TULP4: variants seen among roughly 807,000 people sequenced by gnomAD.
The protein encoded by TULP4 is tubby-related protein 4.
Under a neutral mutation model 129.0 loss-of-function variants are expected in TULP4, and 16 were observed. That is an observed-to-expected ratio of 0.12 (90% CI 0.08 to 0.19). TULP4 has a LOEUF of 0.19. Ranked by LOEUF, TULP4 falls within the 10% of genes least tolerant of loss-of-function variation. The pLI, the probability that TULP4 is intolerant of heterozygous loss-of-function variation, is 1.00. For synonymous variants in TULP4, 998 were observed against 854.0 expected (o/e 1.17, Z -2.94); for missense variants, 1,842 against 2,059.1 (o/e 0.89, Z 2.04).
At chr6:158,284,201 C>G (rs1004211576) in intron 1 of TULP4, among the ~76,000 whole-genome samples, 2 of 152,176 alleles carry the variant, frequency 1.3e-5, no homozygotes, top group Non-Finnish European at 2.9e-5. Flanking sequence ...GCCTGGGACT[C>G]ATTCAGGCCA....
intron 1 of TULP4, among the ~76,000 whole-genome samples, chr6:158,266,122 C>CT: frequency 6.6e-6 from 1 of 152,300 alleles, no homozygotes; most frequent in Non-Finnish European, 1.5e-5. Context: ...CTCATAGGCA[C>CT]TTTTTTCCAA....
chr6:158,480,939 G>A, intron 7 of TULP4, 116 bp from the exon 8 acceptor site: 1 of 889,796 alleles, frequency 1.1e-6, no homozygotes, highest in Non-Finnish European at 1.7e-6. Flanking sequence ...CCCCCAGCCT[G>A]TGCTCTGTCT....
intron 1 of TULP4, among the ~76,000 whole-genome samples, chr6:158,287,252 T>G (rs889227546): frequency 1.3e-5 from 2 of 152,326 alleles, no homozygotes; most frequent in African/African-American, 2.4e-5. Flanking sequence ...GCCAGACATA[T>G]GCATGTGTAG....
At chr6:158,495,823 C>G (rs1313837907) in intron 11 of TULP4, among the ~76,000 whole-genome samples, 1 of 149,948 alleles carries the variant, frequency 6.7e-6, no homozygotes, top group Non-Finnish European at 1.5e-5. Flanking sequence ...CTGGGCAACA[C>G]GAGCGAAACT....
intron 2 of TULP4, among the ~76,000 whole-genome samples, chr6:158,425,109 G>A (rs1425855605): frequency 3.9e-5 from 5 of 128,962 alleles, no homozygotes; most frequent in African/African-American, 1.4e-4. Context: ...AGCTGAGATC[G>A]TGCCACTGGA....
rs2128262882 is a variant in TULP4 at position 158,501,533 on chromosome 6, T to TTCCCCAA, written c.2015-144_2015-138dup. 5.0e-6 allele frequency: 4 copies of TTCCCCAA among 805,200 alleles called. No homozygotes were observed. In the South Asian group the frequency reaches 7.7e-5, roughly 16 times the overall value. 49.9% of individuals were successfully genotyped at this position (805,200 alleles called of 1,614,324 possible). ...TCTCCCTTGTGCGAGCAGGCCAGCT[T>TTCCCCAA]TCCCCAAGCAGACACGTCTCTGTCT... On this transcript the variant is annotated intron_variant, in intron 12 of 13. Coordinates refer to ENST00000367097, the MANE Select transcript of TULP4 (RefSeq NM_020245.5).
intron 1 of TULP4, among the ~76,000 whole-genome samples, chr6:158,267,404 G>A (rs1275439812): frequency 2.6e-5 from 4 of 152,202 alleles, no homozygotes; most frequent in African/African-American, 9.6e-5. Context: ...AAGCAACTAA[G>A]TGATGTGAGA....
intron 1 of TULP4, among the ~76,000 whole-genome samples, chr6:158,376,374 C>T (rs1777190767): frequency 6.6e-6 from 1 of 152,314 alleles, no homozygotes; most frequent in Non-Finnish European, 1.5e-5. Flanking sequence ...AAGCCTCCTG[C>T]TGAGCACCTC....
At position 158,469,276 on chromosome 6, in the gene TULP4, T is replaced by G. The variant is rs564099884; in HGVS notation, c.1026+7547T>G. 2.0e-5 allele frequency among the ~76,000 whole-genome samples: 3 copies of G among 147,114 alleles called. No homozygotes were observed. The East Asian group carries it at 6.0e-4, about 30-fold the overall frequency. Reference sequence around the variant, plus strand: ...GGTCAGTACTAGTGAAAACAGACCTTTTTTTTTTTTTTCTCGAGACAGGAT... The same window carrying G: ...GGTCAGTACTAGTGAAAACAGACCTGTTTTTTTTTTTTCTCGAGACAGGAT... On this transcript the variant is annotated intron_variant, in intron 6 of 13. Coordinates refer to ENST00000367097, the MANE Select transcript of TULP4 (RefSeq NM_020245.5).
At chr6:158,484,838 G>A (rs1583927918) in intron 8 of TULP4, among the ~76,000 whole-genome samples, 2 of 152,248 alleles carry the variant, frequency 1.3e-5, no homozygotes, top group East Asian at 1.9e-4. Context: ...ACGCTTGTGC[G>A]TACACACGTG....
At chr6:158,459,451 C>T (rs1779371960) in intron 5 of TULP4, among the ~76,000 whole-genome samples, 1 of 151,850 alleles carries the variant, frequency 6.6e-6, no homozygotes, top group African/African-American at 2.4e-5. Context: ...AAAGAAGTCC[C>T]TGAGAGTTTG....
At chr6:158,415,972 A>C (rs535025232) in intron 2 of TULP4, among the ~76,000 whole-genome samples, 1 of 152,348 alleles carries the variant, frequency 6.6e-6, no homozygotes, top group Admixed American at 6.5e-5. Flanking sequence ...GGAAGTTGAC[A>C]GTGCAGCCTT....
At chr6:158,287,434 T>C (rs991799967) in intron 1 of TULP4, among the ~76,000 whole-genome samples, 2 of 152,248 alleles carry the variant, frequency 1.3e-5, no homozygotes, top group African/African-American at 4.8e-5. Flanking sequence ...TTTATTCAAC[T>C]GAACATGCAT....
intron 1 of TULP4, among the ~76,000 whole-genome samples, chr6:158,301,756 A>C (rs9355243): frequency 0.94 from 142,721 of 152,238 alleles, 66,960 homozygotes; most frequent in Admixed American, 0.96. Context: ...TGGATTCTTT[A>C]CTCCATGAAT....
At chr6:158,298,438 C>T (rs182678963) in intron 1 of TULP4, among the ~76,000 whole-genome samples, 404 of 152,308 alleles carry the variant, frequency 2.7e-3, no homozygotes, top group African/African-American at 9.3e-3. Context: ...CAGCCGGTCC[C>T]TCCGTTTGGG....
chr6:158,483,553 T>G (rs1331858704), intron 8 of TULP4, among the ~76,000 whole-genome samples: 1 of 152,164 alleles, frequency 6.6e-6, no homozygotes, highest in Non-Finnish European at 1.5e-5. Context: ...GATAAACTCC[T>G]GGGTTCCAGT....
Position 158,266,847 on chromosome 6 carries a change from G to GGTATA in TULP4, n.68+34545_68+34549dup, listed in dbSNP as rs571671638. Among the ~76,000 whole-genome samples the GGTATA allele has an allele frequency of 1.9e-3, 286 of 152,192 alleles. 1 individual carries two copies. Among genetic ancestry groups the GGTATA allele is most frequent in the Non-Finnish European group, 3.2e-3 (221 of 68,000 alleles). On this transcript the variant is annotated intron_variant and non_coding_transcript_variant, in intron 1 of 1. Transcript: ENST00000620026. ...ACCCCCATCGATATTGAGGGACAAC[G>GGTATA]GTATAATTCAGTGGCATTAAGTACG... is the stretch of plus-strand genomic sequence containing the variant.
At chr6:158,393,302 G>A (rs549172865) in intron 1 of TULP4, among the ~76,000 whole-genome samples, 51 of 152,306 alleles carry the variant, frequency 3.3e-4, no homozygotes, top group Admixed American at 1.4e-3. Context: ...TTGAGTGTCT[G>A]TGGCTTTTTC....
Position 158,369,556 on chromosome 6 carries a change from C to G in TULP4, c.253-43509C>G, listed in dbSNP as rs563008659. ...ATTCACAATGAGGCAGAAATGGGAT[C>G]CTGAGACGCAGAGCATTCATTTGGG... is the stretch of plus-strand genomic sequence containing the variant. On this transcript the variant is annotated intron_variant, in intron 1 of 13. Transcript: ENST00000367097. 3.5e-4 allele frequency among the ~76,000 whole-genome samples: 54 copies of G among 152,200 alleles called. 1 individual carries two copies. The South Asian group carries it at 0.011, about 30-fold the overall frequency.
Sources: gnomAD v4.1 joint callset for allele counts (sites outside exome capture counted in the v4.1 genomes callset) on GRCh38, gnomAD v4.1.1 for gene constraint, MANE v1.5 for transcripts, NCBI Gene and HGNC (gene_info 2026-07-23, HGNC 2026-07-21) for gene names.